PLD5: variants seen among roughly 807,000 people sequenced by gnomAD.
PLD5 encodes phospholipase D family member 5, also known as inactive phospholipase D5.
PLD5 carries 36 observed loss-of-function variants against 61.1 expected under a neutral mutation model. The ratio of observed to expected loss-of-function variants is 0.59; its 90% confidence interval spans 0.45 to 0.78. The LOEUF (loss-of-function observed/expected upper bound fraction) is 0.78, where lower values mean the gene tolerates loss of function less well. Among genes scored for constraint, PLD5 ranks in the 30% least tolerant of loss-of-function variants. The probability of loss-of-function intolerance (pLI) is 0.00; values close to 1 mark genes in which losing one functional copy is unlikely to be tolerated. For synonymous variants in PLD5, 243 were observed against 242.8 expected, an observed-to-expected ratio of 1.00 and a Z score of -0.01; for missense variants, 515 against 644.4, an observed-to-expected ratio of 0.80 and a Z score of 2.17.
intron 5 of PLD5, among the ~76,000 whole-genome samples, chr1:242,163,162 A>G (rs1665992737): frequency 1.2e-5 from 1 of 80,688 alleles, no homozygotes; most frequent in Non-Finnish European, 2.8e-5. Flanking sequence ...TTTTCTTGAG[A>G]CGACGGAGTC....
intron 5 of PLD5, chr1:242,188,667 T>C (rs957361743): frequency 1.3e-5 from 2 of 152,314 alleles, no homozygotes; most frequent in South Asian, 2.1e-4. Flanking sequence ...ACCGTGTAAA[T>C]AGTATTTAGC....
chr1:242,262,543 T>G (rs974012445), intron 4 of PLD5, among the ~76,000 whole-genome samples: 3 of 152,120 alleles, frequency 2.0e-5, no homozygotes, highest in Non-Finnish European at 4.4e-5. Context: ...GGTAGCTGTG[T>G]GGAAGATCAG....
chr1:242,143,199 T>A (rs1399733243), intron 5 of PLD5, among the ~76,000 whole-genome samples: 2 of 151,964 alleles, frequency 1.3e-5, no homozygotes, highest in African/African-American at 4.8e-5. Flanking sequence ...GCTATGTTTT[T>A]TTCTTTTTTT....
intron 1 of PLD5, among the ~76,000 whole-genome samples, chr1:242,408,188 A>C (rs1393623904): frequency 1.3e-5 from 2 of 152,214 alleles, no homozygotes; most frequent in Non-Finnish European, 2.9e-5. Flanking sequence ...ATGTGCCTTG[A>C]TGAAGGATTA....
intron 5 of PLD5, among the ~76,000 whole-genome samples, chr1:242,199,696 C>A (rs578189569): frequency 6.6e-6 from 1 of 152,304 alleles, no homozygotes; most frequent in South Asian, 2.1e-4. Flanking sequence ...TCCCCACTGT[C>A]CATCATTCCA....
chr1:242,184,553 G>A (rs1052331216), intron 5 of PLD5, among the ~76,000 whole-genome samples: 1 of 152,070 alleles, frequency 6.6e-6, no homozygotes, highest in African/African-American at 2.4e-5. Context: ...ATTTTTAGTA[G>A]AGACTGGGTT....
intron 4 of PLD5, among the ~76,000 whole-genome samples, chr1:242,232,441 AT>A (rs1259391652): frequency 6.6e-6 from 1 of 152,190 alleles, no homozygotes; most frequent in African/African-American, 2.4e-5. Context: ...GGGAGAGTAT[AT>A]ATTTATGTAA....
intron 1 of PLD5, among the ~76,000 whole-genome samples, chr1:242,362,499 T>C (rs943782408): frequency 1.3e-5 from 2 of 152,206 alleles, no homozygotes. Context: ...AACACTGCCT[T>C]CATCTGTGGA....
At chr1:242,231,695 G>C (rs550471611) in intron 4 of PLD5, among the ~76,000 whole-genome samples, 4 of 152,302 alleles carry the variant, frequency 2.6e-5, no homozygotes, top group African/African-American at 7.2e-5. Flanking sequence ...ATAAGGCAAT[G>C]AGCTTAGAAA....
chr1:242,149,753 G>A (rs956090930), intron 5 of PLD5, among the ~76,000 whole-genome samples: 5 of 151,362 alleles, frequency 3.3e-5, no homozygotes, highest in African/African-American at 7.3e-5. Flanking sequence ...AATCATCAAA[G>A]TTATGGCCAT....
chr1:242,183,513 G>A (rs901716495), intron 5 of PLD5, among the ~76,000 whole-genome samples: 1 of 152,212 alleles, frequency 6.6e-6, no homozygotes, highest in South Asian at 2.1e-4. Flanking sequence ...AGTTGGACTA[G>A]CTGAACTCGA....
intron 4 of PLD5, chr1:242,236,068 A>G (rs383039): frequency 0.84 from 127,796 of 151,720 alleles, 54,286 homozygotes; most frequent in African/African-American, 0.95. Context: ...CTTCTTGGAT[A>G]GGATTAGCAC....
Position 242,449,474 on chromosome 1 carries a change from C to T in PLD5, c.189+74614G>A, listed in dbSNP as rs556148142. On this transcript the variant is annotated intron_variant, in intron 1 of 9. Coordinates refer to ENST00000536534, the MANE Select transcript of PLD5 (RefSeq NM_001372062.1). ...CAGAGAATGTTTCATGTGGCACAAA[C>T]GTATCACCACCGATTACATTTCAGT... The T allele has an allele frequency of 1.8e-5, 28 of 1,531,296 alleles. No individual in the cohort carries two copies. The East Asian group carries it at 3.4e-4, about 19-fold the overall frequency. 94.9% of individuals were successfully genotyped at this position (1,531,296 alleles called of 1,614,324 possible).
At chr1:242,465,141 C>T (rs568599561) in intron 1 of PLD5, among the ~76,000 whole-genome samples, 48 of 152,168 alleles carry the variant, frequency 3.2e-4, no homozygotes, top group Admixed American at 4.6e-4. Context: ...TCATTTTAGG[C>T]TACATGAATT....
intron 4 of PLD5, chr1:242,235,316 A>G (rs548274987): frequency 1.6e-4 from 25 of 152,346 alleles, no homozygotes; most frequent in Admixed American, 1.4e-3. Context: ...AAGAAATAAC[A>G]CAATTCATTT....
intron 3 of PLD5, among the ~76,000 whole-genome samples, chr1:242,280,640 A>G (rs958473664): frequency 6.6e-6 from 1 of 152,220 alleles, no homozygotes; most frequent in Admixed American, 6.5e-5. Flanking sequence ...AGGCTCAAAG[A>G]ATTTCAATTA....
At chr1:242,514,551 T>G (rs1383684186) in intron 1 of PLD5, among the ~76,000 whole-genome samples, 1 of 151,836 alleles carries the variant, frequency 6.6e-6, no homozygotes, top group Non-Finnish European at 1.5e-5. Context: ...TGTTTACCCA[T>G]GTAACAAACC....
intron 3 of PLD5, among the ~76,000 whole-genome samples, chr1:242,266,111 C>T (rs1342797441): frequency 6.6e-6 from 1 of 152,198 alleles, no homozygotes; most frequent in African/African-American, 2.4e-5. Flanking sequence ...CATGGTGGTT[C>T]ATGCCTCTAA....
chr1:242,196,627 C>T (rs895943141), intron 5 of PLD5, among the ~76,000 whole-genome samples: 1 of 152,128 alleles, frequency 6.6e-6, no homozygotes, highest in African/African-American at 2.4e-5. Context: ...CTGCTATTCA[C>T]AATATATTGA....
Sources: gnomAD v4.1 joint callset for allele counts (sites outside exome capture counted in the v4.1 genomes callset) on GRCh38, gnomAD v4.1.1 for gene constraint, MANE v1.5 for transcripts, NCBI Gene and HGNC (gene_info 2026-07-23, HGNC 2026-07-21) for gene names.